Variants in GALNT13 observed in about 807,000 individuals in gnomAD.
GALNT13 encodes the protein polypeptide N-acetylgalactosaminyltransferase 13, also known as UDP-GalNAc:polypeptide N-acetylgalactosaminyltransferase 13.
A neutral mutation model predicts 64.2 loss-of-function variants in GALNT13; 28 were observed. The observed-to-expected ratio is 0.44, with a 90% confidence interval of 0.32 to 0.60. GALNT13 has a LOEUF of 0.60. Ranked by LOEUF, GALNT13 falls within the 20% of genes least tolerant of loss-of-function variation. GALNT13 has a pLI of 0.05. For missense variants in GALNT13, 577 were observed against 669.8 expected (o/e 0.86, Z 1.53); for synonymous variants, 214 against 224.6 (o/e 0.95, Z 0.42).
At chr2:154,047,520 A>C (rs1319450810) in intron 3 of GALNT13, among the ~76,000 whole-genome samples, 1 of 152,176 alleles carries the variant, frequency 6.6e-6, no homozygotes. Context: ...TAATCAATTA[A>C]ATTAGAGCCT....
At chr2:153,734,796 C>T in the GALNT13 span, among the ~76,000 whole-genome samples, 4 of 151,998 alleles carry the variant, frequency 2.6e-5, no homozygotes, top group Non-Finnish European at 5.9e-5. Context: ...ATTTTTTGGC[C>T]TAATTCGTAG....
chr2:153,770,257 C>T, the GALNT13 span, among the ~76,000 whole-genome samples: 12 of 147,360 alleles, frequency 8.1e-5, no homozygotes, highest in African/African-American at 3.0e-4. Context: ...AAATTTCCCA[C>T]CCTACCCCTC....
chr2:153,428,519 T>A, the GALNT13 span, among the ~76,000 whole-genome samples: 2 of 152,196 alleles, frequency 1.3e-5, no homozygotes, highest in East Asian at 3.9e-4. Flanking sequence ...GGGGATCACA[T>A]TTTAACATGA....
At chr2:154,286,006 T>A (rs573670003) in intron 8 of GALNT13, among the ~76,000 whole-genome samples, 25 of 152,360 alleles carry the variant, frequency 1.6e-4, no homozygotes, top group Admixed American at 3.3e-4. Context: ...TCATTATTAA[T>A]GTGTAGAAAT....
the GALNT13 span, among the ~76,000 whole-genome samples, chr2:153,577,909 T>C: frequency 2.0e-5 from 3 of 151,134 alleles, no homozygotes; most frequent in Admixed American, 2.0e-4. Flanking sequence ...TCTTTATATA[T>C]ATATATATAT....
the GALNT13 span, among the ~76,000 whole-genome samples, chr2:153,118,409 A>C: frequency 6.6e-6 from 1 of 152,182 alleles, no homozygotes; most frequent in Admixed American, 6.5e-5. Flanking sequence ...CACCAACTGC[A>C]AGGGCAAACT....
At chr2:153,836,211 T>G in the GALNT13 span, among the ~76,000 whole-genome samples, 1 of 152,156 alleles carries the variant, frequency 6.6e-6, no homozygotes, top group South Asian at 2.1e-4. Context: ...GAGAAAATGT[T>G]TTTATTGTAT....
At chr2:153,584,999 C>A in the GALNT13 span, among the ~76,000 whole-genome samples, 6 of 152,294 alleles carry the variant, frequency 3.9e-5, no homozygotes, top group East Asian at 9.6e-4. Context: ...TACAAATTCA[C>A]AGGAAACATC....
chr2:154,316,105 A>T (rs535611550), intron 9 of GALNT13, among the ~76,000 whole-genome samples: 3 of 152,190 alleles, frequency 2.0e-5, no homozygotes, highest in South Asian at 4.1e-4. Context: ...TTAAAAAAAA[A>T]TTTAAAAATC....
chr2:154,341,588 T>A (rs946432866), intron 9 of GALNT13, among the ~76,000 whole-genome samples: 1 of 151,886 alleles, frequency 6.6e-6, no homozygotes, highest in African/African-American at 2.4e-5. Flanking sequence ...AAGTGAGAAG[T>A]TGTGGAACAT....
At chr2:153,898,404 G>A (rs1388530766) in intron 1 of GALNT13, among the ~76,000 whole-genome samples, 2 of 152,116 alleles carry the variant, frequency 1.3e-5, no homozygotes, top group African/African-American at 4.8e-5. Context: ...ATATGCCATT[G>A]TTTAACCAAA....
chr2:153,760,824 G>C, the GALNT13 span, among the ~76,000 whole-genome samples: 1 of 152,018 alleles, frequency 6.6e-6, no homozygotes, highest in African/African-American at 2.4e-5. Context: ...TGAAAGTAGG[G>C]AACTGAAATC....
chr2:153,298,718 T>C, the GALNT13 span, among the ~76,000 whole-genome samples: 1 of 152,112 alleles, frequency 6.6e-6, no homozygotes, highest in Non-Finnish European at 1.5e-5. Flanking sequence ...AAGAAGAGAA[T>C]AGAGGACAGA....
chr2:153,349,943 A>G, the GALNT13 span, among the ~76,000 whole-genome samples: 4 of 152,166 alleles, frequency 2.6e-5, no homozygotes, highest in African/African-American at 9.7e-5. Flanking sequence ...CTGAAAAACA[A>G]TTATCTCAAA....
chr2:153,285,384 C>T, the GALNT13 span, among the ~76,000 whole-genome samples: 2 of 152,260 alleles, frequency 1.3e-5, 1 homozygote, highest in Admixed American at 1.3e-4. Flanking sequence ...TCTTCCTTAT[C>T]ATTACATCTT....
intron 3 of GALNT13, among the ~76,000 whole-genome samples, chr2:154,022,282 C>T (rs1332860034): frequency 1.3e-5 from 2 of 152,072 alleles, no homozygotes; most frequent in African/African-American, 2.4e-5. Context: ...GGAATGGTAC[C>T]AGCTCTTCTT....
chr2:153,512,535 T>A, the GALNT13 span, among the ~76,000 whole-genome samples: 1 of 152,184 alleles, frequency 6.6e-6, no homozygotes, highest in Non-Finnish European at 1.5e-5. Context: ...TCACACTTCC[T>A]TTGCTTACTA....
chr2:153,385,975 A>C, the GALNT13 span, among the ~76,000 whole-genome samples: 1 of 151,988 alleles, frequency 6.6e-6, no homozygotes, highest in Non-Finnish European at 1.5e-5. Context: ...GGATTTTTTC[A>C]GTTTCTGTAC....
At chr2:153,612,934 T>A in the GALNT13 span, among the ~76,000 whole-genome samples, 6 of 152,172 alleles carry the variant, frequency 3.9e-5, no homozygotes, top group African/African-American at 1.4e-4. Context: ...ACCATTTTAT[T>A]ACCATAAAAG....
Sources: allele counts gnomAD v4.1 joint callset (sites outside exome capture counted in the v4.1 genomes callset), GRCh38; gene constraint gnomAD v4.1.1; transcripts MANE v1.5; gene names NCBI Gene and HGNC (gene_info 2026-07-23, HGNC 2026-07-21).